GPHN: variants seen among roughly 807,000 people sequenced by gnomAD.
GPHN encodes gephyrin.
GPHN carries 17 observed loss-of-function variants against 95.5 expected under a neutral mutation model. The ratio of observed to expected loss-of-function variants is 0.18; its 90% CI spans 0.12 to 0.27. GPHN has a LOEUF of 0.27. Ranked by LOEUF, GPHN falls within the 10% of genes least tolerant of loss-of-function variation. The pLI is 1.00. For missense variants in GPHN, 660 were observed against 978.1 expected (o/e 0.67, Z 4.34); for synonymous variants, 320 against 322.5 (o/e 0.99, Z 0.08).
the GPHN span, chr14:67,199,650 C>T: frequency 5.1e-6 from 8 of 1,577,954 alleles, no homozygotes; most frequent in South Asian, 8.9e-5. Context: ...CTTCTGGCAG[C>T]TCAGAACCCG....
At chr14:66,605,655 G>A (rs551279488) in intron 1 of GPHN, among the ~76,000 whole-genome samples, 26 of 149,296 alleles carry the variant, frequency 1.7e-4, no homozygotes, top group African/African-American at 5.2e-4. Flanking sequence ...TCAGCCTCCC[G>A]AGTAGCTGGG....
intron 4 of GPHN, among the ~76,000 whole-genome samples, chr14:66,879,388 AAGAC>A (rs1397884081): frequency 6.6e-6 from 1 of 151,968 alleles, no homozygotes; most frequent in East Asian, 1.9e-4. Flanking sequence ...TGAAAAAAAA[AAGAC>A]AGTTAATTTA....
chr14:67,701,354 CT>C, the GPHN span, among the ~76,000 whole-genome samples: 3 of 149,434 alleles, frequency 2.0e-5, no homozygotes, highest in Non-Finnish European at 4.4e-5. Flanking sequence ...ACACTTATAA[CT>C]TTTTTTTGAT....
chr14:66,824,551 A>C lies in GPHN; in HGVS notation c.279A>C (p.Arg93=). The change falls in exon 4 of 23, where the codon CGA becomes CGC. Residue 93 remains arginine, a synonymous_variant. Transcript: ENST00000478722. ...CTGGAGGAACAGGATTTGCACCACG[A>C]GATGTCACTCCAGAGGTGAGATAGT... ...LTTGGTGFAP[R]DVTPEATKEV... is the part of the protein sequence containing the mutation. 1 of 1,536,888 alleles carries C rather than the reference A, an allele frequency of 6.5e-7. No individual in the cohort carries two copies. Among genetic ancestry groups the C allele is most frequent in the Non-Finnish European group, 9.0e-7 (1 of 1,109,518 alleles).
chr14:66,953,369 C>T (rs1483506810), intron 8 of GPHN, among the ~76,000 whole-genome samples: 1 of 151,886 alleles, frequency 6.6e-6, no homozygotes, highest in Non-Finnish European at 1.5e-5. Flanking sequence ...GTTGCTTGTA[C>T]TTTTGGTGTC....
chr14:67,541,350 C>T, the GPHN span, among the ~76,000 whole-genome samples: 2 of 152,190 alleles, frequency 1.3e-5, no homozygotes, highest in African/African-American at 4.8e-5. Context: ...GCTCCCATTC[C>T]CATTTATCTG....
the GPHN span, among the ~76,000 whole-genome samples, chr14:67,557,029 T>C: frequency 6.6e-6 from 1 of 152,194 alleles, no homozygotes; most frequent in Non-Finnish European, 1.5e-5. Context: ...GCCCTCCTCT[T>C]ACCTATCTCT....
At chr14:67,018,012 T>C (rs528287362) in intron 9 of GPHN, among the ~76,000 whole-genome samples, 2 of 152,196 alleles carry the variant, frequency 1.3e-5, no homozygotes, top group Admixed American at 6.5e-5. Flanking sequence ...TTTAATGTAG[T>C]GGGAAATAAA....
the GPHN span, chr14:67,200,381 G>T: frequency 1.7e-6 from 1 of 603,078 alleles, no homozygotes; most frequent in East Asian, 3.3e-5. Flanking sequence ...TCGATACCTT[G>T]GACCAATCAG....
the GPHN span, chr14:67,381,648 A>G: frequency 1.2e-6 from 2 of 1,613,682 alleles, no homozygotes; most frequent in Non-Finnish European, 1.7e-6. Flanking sequence ...AAGAAGCCCT[A>G]AGAGCAGGTT....
chr14:66,659,533 C>CAAACA (rs1442426813), intron 1 of GPHN, among the ~76,000 whole-genome samples: 1 of 152,006 alleles, frequency 6.6e-6, no homozygotes, highest in African/African-American at 2.4e-5. Flanking sequence ...ATGTCTCCAA[C>CAAACA]TATGTTTATG....
At chr14:67,140,703 A>G (rs1181509106) in intron 17 of GPHN, among the ~76,000 whole-genome samples, 1 of 152,188 alleles carries the variant, frequency 6.6e-6, no homozygotes, top group East Asian at 1.9e-4. Flanking sequence ...CATTTACTCC[A>G]TAGTAAATGA....
At chr14:67,527,374 G>T in the GPHN span, among the ~76,000 whole-genome samples, 1 of 152,128 alleles carries the variant, frequency 6.6e-6, no homozygotes, top group Non-Finnish European at 1.5e-5. Context: ...GGAGCCGGAG[G>T]TTGCAGTGAG....
At chr14:67,139,778 G>A (rs899971450) in intron 17 of GPHN, among the ~76,000 whole-genome samples, 2 of 152,114 alleles carry the variant, frequency 1.3e-5, no homozygotes, top group Non-Finnish European at 1.5e-5. Flanking sequence ...AGCCAGAAGC[G>A]TACAACAGAA....
At chr14:66,804,186 C>T (rs1005369273) in intron 3 of GPHN, among the ~76,000 whole-genome samples, 3 of 152,174 alleles carry the variant, frequency 2.0e-5, no homozygotes, top group Admixed American at 6.5e-5. Flanking sequence ...ACAATCCCAT[C>T]AGGAATTGAG....
chr14:67,665,260 T>C, the GPHN span, among the ~76,000 whole-genome samples: 1 of 13,390 alleles, frequency 7.5e-5, no homozygotes, highest in African/African-American at 1.5e-4. Flanking sequence ...CAGTTATATC[T>C]TTTTTTTTTT....
At chr14:67,097,573 A>G (rs2077464131) in intron 12 of GPHN, among the ~76,000 whole-genome samples, 1 of 151,658 alleles carries the variant, frequency 6.6e-6, no homozygotes, top group East Asian at 1.9e-4. Flanking sequence ...ACCTGCACAC[A>G]CACACCCCTA....
chr14:67,254,729 CT>C, the GPHN span, among the ~76,000 whole-genome samples: 1 of 152,318 alleles, frequency 6.6e-6, no homozygotes, highest in Admixed American at 6.5e-5. Flanking sequence ...CCCCACCTGC[CT>C]TTAATGGCCA....
At chr14:66,672,892 G>C (rs1175930287) in intron 1 of GPHN, among the ~76,000 whole-genome samples, 3 of 151,802 alleles carry the variant, frequency 2.0e-5, no homozygotes, top group African/African-American at 7.3e-5. Context: ...GGTGCATTCG[G>C]ACCATTGACA....
Sources: gnomAD v4.1 joint callset for allele counts (sites outside exome capture counted in the v4.1 genomes callset) on GRCh38, gnomAD v4.1.1 for gene constraint, MANE v1.5 for transcripts, NCBI Gene and HGNC (gene_info 2026-07-23, HGNC 2026-07-21) for gene names.